The following GSTA1 variants were observed in gnomAD, a reference collection of about 807,000 sequenced individuals.
GSTA1 encodes glutathione S-transferase alpha 1.
A neutral mutation model predicts 21.5 loss-of-function variants in GSTA1; 23 were observed. The observed-to-expected ratio is 1.07, with a 90% CI of 0.77 to 1.52. The LOEUF is 1.52. Among genes scored for constraint, GSTA1 ranks in the 40% most tolerant of loss-of-function variants. GSTA1 has a pLI of 0.00. For missense variants in GSTA1, 301 were observed against 264.2 expected (o/e 1.14, Z -0.96); for synonymous variants, 125 against 90.0 (o/e 1.39, Z -2.20).
intron 1 of GSTA1, among the ~76,000 whole-genome samples, chr6:52,801,904 T>G (rs1763726026): frequency 6.6e-6 from 1 of 150,834 alleles, no homozygotes; most frequent in East Asian, 1.9e-4. Flanking sequence ...TGGGTCAGCC[T>G]TAACTTCTGA....
intron 2 of GSTA1, among the ~76,000 whole-genome samples, chr6:52,798,677 C>A (rs1468705326): frequency 5.2e-5 from 7 of 135,060 alleles, no homozygotes; most frequent in Non-Finnish European, 1.1e-4. Context: ...AATTATCAAT[C>A]AAAACCAATA....
Position 52,794,593 on chromosome 6 carries a change from G to A in GSTA1, c.273-327C>T, listed in dbSNP as rs111464058. Among the ~76,000 whole-genome samples the A allele has an allele frequency of 6.6e-4, 100 of 152,268 alleles. 1 individual carries two copies. The highest frequency in any genetic ancestry group is 2.3e-3 in the African/African-American group (96 of 41,556). On this transcript the variant is annotated intron_variant, in intron 4 of 6. Coordinates refer to ENST00000334575, the MANE Select transcript of GSTA1 (RefSeq NM_145740.5). Reference sequence around the variant, plus strand: ...TGTGCCAAGATTTATCATCTCCATTGTGGTTTGTTCTGTGCATGAACTTAG... The same window carrying A: ...TGTGCCAAGATTTATCATCTCCATTATGGTTTGTTCTGTGCATGAACTTAG...
chr6:52,793,569 C>G (rs138143427), intron 5 of GSTA1, among the ~76,000 whole-genome samples: 2 of 152,196 alleles, frequency 1.3e-5, no homozygotes, highest in Non-Finnish European at 2.9e-5. Context: ...ATGTTATAAT[C>G]TGCAAGCTGA....
intron 1 of GSTA1, among the ~76,000 whole-genome samples, chr6:52,803,234 C>T (rs188723066): frequency 6.6e-6 from 1 of 152,146 alleles, no homozygotes; most frequent in African/African-American, 2.4e-5. Flanking sequence ...TAGCTATCCT[C>T]TATATTGGCC....
At chr6:52,796,543 A>T (rs377740460) in intron 3 of GSTA1, among the ~76,000 whole-genome samples, 863 of 23,730 alleles carry the variant, frequency 0.036, 98 homozygotes, top group African/African-American at 0.082. Context: ...ATATATATAT[A>T]TTTTTTTTTT....
At chr6:52,794,503 AAAG>A (rs1267674743) in intron 4 of GSTA1, among the ~76,000 whole-genome samples, 1 of 152,210 alleles carries the variant, frequency 6.6e-6, no homozygotes, top group Non-Finnish European at 1.5e-5. Flanking sequence ...ATACAGGTAA[AAAG>A]AACGTCGGTG....
chr6:52,791,589 CTA>C lies in GSTA1; in HGVS notation c.*267_*268del, dbSNP rs1763456994. 2.6e-6 allele frequency: 1 copy of C among 379,494 alleles called. No homozygotes were observed. The highest frequency in any genetic ancestry group is 4.4e-5 in the Admixed American group (1 of 22,774). 23.5% of individuals were successfully genotyped at this position (379,494 alleles called of 1,614,324 possible). A position where few individuals can be genotyped will look rare whatever the true frequency, so the allele number is the denominator to read the frequency against. ...GGAAAAGTCAAACAAACCACATAATCTATAGTTTCCTTTTTTACTGAATTTTT... is the reference window on the plus strand; with the variant it reads ...GGAAAAGTCAAACAAACCACATAATCTAGTTTCCTTTTTTACTGAATTTTT... On this transcript the variant is annotated 3_prime_UTR_variant, in exon 7 of 7. Transcript: ENST00000334575.
intron 2 of GSTA1, among the ~76,000 whole-genome samples, chr6:52,798,885 C>T (rs2127305951): frequency 6.6e-6 from 1 of 152,260 alleles, no homozygotes; most frequent in African/African-American, 2.4e-5. Context: ...AATCGATATT[C>T]ATGTTTCTAA....
chr6:52,801,129 C>T (rs1390320073), intron 1 of GSTA1, among the ~76,000 whole-genome samples: 1 of 152,186 alleles, frequency 6.6e-6, no homozygotes, highest in African/African-American at 2.4e-5. Context: ...GATCCACTCG[C>T]CTCAGCCTCC....
rs999272852 is a variant in GSTA1, at chr6:52,791,396, C to CT, written c.*461dup. 6.6e-6 allele frequency among the ~76,000 whole-genome samples: 1 copy of CT among 152,174 alleles called. No individual in the cohort carries two copies. The highest frequency in any genetic ancestry group is 2.4e-5 in the African/African-American group (1 of 41,448). ...TTTTGCAAATGCATAAGAAAGAACGCTTTTATCAGAAATAAAATGACTGTC... is the reference window on the plus strand; with the variant it reads ...TTTTGCAAATGCATAAGAAAGAACGCTTTTTATCAGAAATAAAATGACTGTC... On this transcript the variant is annotated 3_prime_UTR_variant, in exon 7 of 7. Transcript: ENST00000334575.
chr6:52,796,543 A>ATATATATTTTTTTT (rs1300549721), intron 3 of GSTA1, among the ~76,000 whole-genome samples: 4 of 23,758 alleles, frequency 1.7e-4, no homozygotes, highest in Non-Finnish European at 4.3e-4. Flanking sequence ...ATATATATAT[A>ATATATATTTTTTTT]TTTTTTTTTT....
chr6:52,798,109 T>A (rs1763632285), intron 2 of GSTA1, among the ~76,000 whole-genome samples: 1 of 152,224 alleles, frequency 6.6e-6, no homozygotes, highest in Non-Finnish European at 1.5e-5. Flanking sequence ...TCAGGAACCC[T>A]GCTAAGTGTG....
At chr6:52,796,543 A>ATTTTTTTTTTT (rs34109072) in intron 3 of GSTA1, among the ~76,000 whole-genome samples, 2 of 23,760 alleles carry the variant, frequency 8.4e-5, no homozygotes, top group Non-Finnish European at 2.1e-4. Flanking sequence ...ATATATATAT[A>ATTTTTTTTTTT]TTTTTTTTTT....
intron 1 of GSTA1, among the ~76,000 whole-genome samples, chr6:52,801,821 C>A (rs367894101): frequency 2.6e-5 from 4 of 152,040 alleles, no homozygotes; most frequent in Admixed American, 6.6e-5. Flanking sequence ...CTCCTATTAT[C>A]CAAATTAAAG....
chr6:52,794,187 C>A lies in GSTA1; in HGVS notation c.352G>T (p.Asp118Tyr), dbSNP rs1273162391. The A allele has an allele frequency of 3.1e-6, 5 of 1,614,020 alleles. No homozygotes were observed. The South Asian group carries it at 4.4e-5, about 14-fold the overall frequency. Residue 118 changes from aspartate to tyrosine, a missense_variant, in exon 5 of 7, where the codon GAT becomes TAT. Coordinates refer to ENST00000334575, the MANE Select transcript of GSTA1 (RefSeq NM_145740.5). ...LLPVCPPEEKDAKLALIKEKI... is the reference protein window; with the variant it reads ...LLPVCPPEEKYAKLALIKEKI... ...TCTTTGATCAAGGCAAGCTTGGCAT[C>A]TTTTTCCTCAGGTGGACATACGGGC...
Position 52,800,660 on chromosome 6 carries a change from G to A in GSTA1, c.-30-1363C>T, listed in dbSNP as rs550206453. Among the ~76,000 whole-genome samples the A allele has an allele frequency of 5.9e-5, 9 of 152,268 alleles. No individual in the cohort carries two copies. The East Asian group carries it at 1.5e-3, about 26-fold the overall frequency. On this transcript the variant is annotated intron_variant, in intron 1 of 6. Transcript: ENST00000334575. ...GCAGAGTATCAGAGAATGAAAACCAGTGGCTGCAGGGACAGATGCAACTAA... is the reference window on the plus strand; with the variant it reads ...GCAGAGTATCAGAGAATGAAAACCAATGGCTGCAGGGACAGATGCAACTAA...
intron 3 of GSTA1, among the ~76,000 whole-genome samples, chr6:52,796,779 A>G (rs1763601204): frequency 6.6e-6 from 1 of 151,264 alleles, no homozygotes; most frequent in Non-Finnish European, 1.5e-5. Context: ...CTGAACTGAA[A>G]TGATCTACCC....
intron 3 of GSTA1, among the ~76,000 whole-genome samples, chr6:52,796,544 T>TATATATATATATATATATATA (rs371040479): frequency 2.5e-5 from 1 of 40,450 alleles, no homozygotes; most frequent in African/African-American, 7.2e-5. Context: ...TATATATATA[T>TATATATATATATATATATATA]TTTTTTTTTT....
At chr6:52,794,730 C>T (rs1436952903) in intron 4 of GSTA1, among the ~76,000 whole-genome samples, 1 of 152,146 alleles carries the variant, frequency 6.6e-6, no homozygotes, top group East Asian at 1.9e-4. Flanking sequence ...GCTCCCAGGG[C>T]TGCTTCTATG....
Sources: allele counts gnomAD v4.1 joint callset (sites outside exome capture counted in the v4.1 genomes callset), GRCh38; gene constraint gnomAD v4.1.1; transcripts MANE v1.5; gene names NCBI Gene and HGNC (gene_info 2026-07-23, HGNC 2026-07-21).